Variants in CELF4 observed in about 807,000 individuals in gnomAD.
The protein encoded by CELF4 is CUG-BP- and ETR-3-like factor 4.
In CELF4, 18 loss-of-function variants were observed where a neutral mutation model predicts 59.9. That is an observed-to-expected ratio of 0.30 (90% CI 0.21 to 0.45). The LOEUF (loss-of-function observed/expected upper bound fraction) is 0.45. CELF4 is among the 20% of genes least tolerant of loss of function. The pLI, the probability that CELF4 is intolerant of heterozygous loss-of-function variation, is 1.00. For missense variants in CELF4, 456 were observed against 689.0 expected, an observed-to-expected ratio of 0.66 and a Z score of 3.79; for synonymous variants, 261 against 267.1, an observed-to-expected ratio of 0.98 and a Z score of 0.22.
chr18:37,271,499 A>AC (rs2091278686), intron 7 of CELF4, among the ~76,000 whole-genome samples: 1 of 151,208 alleles, frequency 6.6e-6, no homozygotes, highest in Admixed American at 6.6e-5. Context: ...CAAGTGATCC[A>AC]CCCGCCTCGG....
chr18:37,274,037 G>A (rs2092466593), intron 6 of CELF4: 14 of 1,297,268 alleles, frequency 1.1e-5, no homozygotes, highest in Non-Finnish European at 1.4e-5. Flanking sequence ...AAAGGCTCAG[G>A]GTAACCCACT....
At chr18:37,377,941 G>T (rs1402340785) in intron 2 of CELF4, among the ~76,000 whole-genome samples, 1 of 152,148 alleles carries the variant, frequency 6.6e-6, no homozygotes, top group African/African-American at 2.4e-5. Context: ...GAGGCAACAG[G>T]AGAGAACCTC....
intron 2 of CELF4, among the ~76,000 whole-genome samples, chr18:37,441,000 AT>A (rs1472012516): frequency 4.6e-5 from 7 of 152,250 alleles, no homozygotes; most frequent in Admixed American, 4.6e-4. Context: ...TGGATGCATT[AT>A]TTTTGTTGTC....
chr18:37,251,728 G>A (rs1206331690), intron 12 of CELF4, among the ~76,000 whole-genome samples: 2 of 152,156 alleles, frequency 1.3e-5, no homozygotes, highest in Non-Finnish European at 2.9e-5. Context: ...CCATTCCTAT[G>A]GAAATGCCCC....
intron 2 of CELF4, among the ~76,000 whole-genome samples, chr18:37,337,234 CG>C (rs1426245484): frequency 6.6e-6 from 1 of 152,138 alleles, no homozygotes; most frequent in African/African-American, 2.4e-5. Context: ...GTCCCACAAG[CG>C]GAGGGAGAGG....
At chr18:37,516,326 C>T (rs578249889) in intron 1 of CELF4, among the ~76,000 whole-genome samples, 22 of 152,190 alleles carry the variant, frequency 1.4e-4, no homozygotes, top group South Asian at 6.2e-4. Context: ...CACTGTTAAG[C>T]ATCGCTTCCT....
chr18:37,520,628 T>C (rs1266296412), intron 1 of CELF4, among the ~76,000 whole-genome samples: 3 of 152,074 alleles, frequency 2.0e-5, no homozygotes, highest in East Asian at 1.9e-4. Context: ...ACTGGTGCTG[T>C]CTGTCTAGCT....
intron 2 of CELF4, among the ~76,000 whole-genome samples, chr18:37,376,333 A>G (rs1170669207): frequency 6.6e-6 from 1 of 152,072 alleles, no homozygotes; most frequent in Non-Finnish European, 1.5e-5. Flanking sequence ...CTGGCACATG[A>G]GGCTTCTGTA....
In CELF4 at chr18:37,275,191, G is replaced by A. The variant is rs1482983236; in HGVS notation, c.501C>T (p.Asp167=). 1.9e-6 allele frequency: 3 copies of A among 1,613,710 alleles called. No individual in the cohort carries two copies. The highest frequency in any genetic ancestry group is 4.5e-5 in the East Asian group (2 of 44,850). ...CAAAGGCCTCGAAAAGGCGGCGCACGTCGTCCTCGGACTGTTGCTTGTTGA... is the reference window on the plus strand; with the variant it reads ...CAAAGGCCTCGAAAAGGCGGCGCACATCGTCCTCGGACTGTTGCTTGTTGA... ...GMLNKQQSED[D]VRRLFEAFGN... Residue 167 remains aspartate (D), a synonymous_variant, in exon 4 of 13, where the codon GAC becomes GAT. Coordinates refer to ENST00000420428, the MANE Select transcript of CELF4 (RefSeq NM_020180.4).
intron 2 of CELF4, among the ~76,000 whole-genome samples, chr18:37,378,146 A>C (rs879643470): frequency 4.6e-5 from 7 of 152,258 alleles, no homozygotes; most frequent in Admixed American, 1.3e-4. Context: ...CCCTCTCCCC[A>C]GTTCTTTCCC....
intron 2 of CELF4, among the ~76,000 whole-genome samples, chr18:37,358,393 C>T (rs545954124): frequency 8.7e-4 from 132 of 152,320 alleles, no homozygotes; most frequent in African/African-American, 3.1e-3. Context: ...TGAGGCTTCC[C>T]CAGCCACGTG....
intron 2 of CELF4, among the ~76,000 whole-genome samples, chr18:37,339,180 C>T (rs1291214585): frequency 1.3e-5 from 2 of 152,222 alleles, no homozygotes; most frequent in African/African-American, 4.8e-5. Flanking sequence ...CCAAGTTAAG[C>T]CTTGGTATTT....
At chr18:37,334,852 C>T (rs553986372) in intron 2 of CELF4, among the ~76,000 whole-genome samples, 4 of 152,242 alleles carry the variant, frequency 2.6e-5, no homozygotes, top group South Asian at 2.1e-4. Flanking sequence ...AATGACAAAT[C>T]GAGAGGAAAT....
At chr18:37,521,542 C>T (rs149696700) in intron 1 of CELF4, among the ~76,000 whole-genome samples, 19 of 152,226 alleles carry the variant, frequency 1.2e-4, no homozygotes, top group South Asian at 2.1e-4. Flanking sequence ...TCTACGTGCA[C>T]CATTAAATCT....
intron 2 of CELF4, among the ~76,000 whole-genome samples, chr18:37,376,038 A>G (rs1448640057): frequency 6.6e-6 from 1 of 152,158 alleles, no homozygotes; most frequent in Admixed American, 6.5e-5. Context: ...AAAGTAATCA[A>G]TTTCTTTTAC....
intron 11 of CELF4, chr18:37,258,966 G>C: frequency 1.6e-6 from 1 of 629,412 alleles, no homozygotes; most frequent in Non-Finnish European, 2.7e-6. Context: ...GGAGTAGTGG[G>C]AGAGAGAAGG....
intron 7 of CELF4, among the ~76,000 whole-genome samples, chr18:37,271,674 G>A (rs1307500775): frequency 6.6e-6 from 1 of 152,188 alleles, no homozygotes; most frequent in East Asian, 1.9e-4. Flanking sequence ...TGCTCAGATG[G>A]AGTAGGTCTT....
chr18:37,418,218 G>A (rs2099545197), intron 2 of CELF4, among the ~76,000 whole-genome samples: 1 of 152,220 alleles, frequency 6.6e-6, no homozygotes, highest in Non-Finnish European at 1.5e-5. Flanking sequence ...AATTGCTTTT[G>A]AATACACAAA....
At chr18:37,284,732 A>G (rs930338234) in intron 3 of CELF4, among the ~76,000 whole-genome samples, 1 of 152,194 alleles carries the variant, frequency 6.6e-6, no homozygotes, top group Non-Finnish European at 1.5e-5. Context: ...AAGAATCACA[A>G]TGGTTCTCAT....
Sources: allele counts gnomAD v4.1 joint callset (sites outside exome capture counted in the v4.1 genomes callset), GRCh38; gene constraint gnomAD v4.1.1; transcripts MANE v1.5; gene names NCBI Gene and HGNC (gene_info 2026-07-23, HGNC 2026-07-21).